PCDHA10: variants seen among roughly 807,000 people sequenced by gnomAD.
PCDHA10 encodes protocadherin alpha-10.
Under a neutral mutation model 61.2 loss-of-function variants are expected in PCDHA10, and 45 were observed. That is an observed-to-expected ratio of 0.74 (90% CI 0.58 to 0.94). PCDHA10 has a LOEUF of 0.94. Among genes scored for constraint, PCDHA10 ranks in the 40% least tolerant of loss-of-function variants. The probability of loss-of-function intolerance (pLI) is 0.00; values close to 1 mark genes in which losing one functional copy is unlikely to be tolerated. For missense variants in PCDHA10, 1,278 were observed against 1,236.2 expected, an observed-to-expected ratio of 1.03 and a Z score of -0.51; for synonymous variants, 602 against 548.8, an observed-to-expected ratio of 1.10 and a Z score of -1.35.
chr5:140,994,263 C>G (rs1329526022), intron 3 of PCDHA10, among the ~76,000 whole-genome samples: 1 of 152,160 alleles, frequency 6.6e-6, no homozygotes, highest in African/African-American at 2.4e-5. Flanking sequence ...ATAAGGTAAG[C>G]TAGGCTGCCT....
rs782748390 is a variant in PCDHA10 at position 140,858,337 on chromosome 5, C to G, written c.2289C>G (p.Pro763=). Residue 763 remains proline (P), a synonymous_variant, in exon 1 of 4, where the codon CCC becomes CCG. Coordinates refer to ENST00000307360, the MANE Select transcript of PCDHA10 (RefSeq NM_018901.4). ...GGGTGTGTTCTGGGGAGGGCCTGCC[C>G]AAGGCGGACCTCATGGCCTTCAGCC... The part of the protein sequence containing the change: ...RQRVCSGEGL[P]KADLMAFSPS... 6.3e-7 allele frequency: 1 copy of G among 1,595,568 alleles called. No homozygotes were observed. The highest frequency in any genetic ancestry group is 1.7e-5 in the Admixed American group (1 of 58,816).
chr5:140,917,130 C>T (rs1449410463), intron 1 of PCDHA10, among the ~76,000 whole-genome samples: 1 of 152,060 alleles, frequency 6.6e-6, no homozygotes, highest in Non-Finnish European at 1.5e-5. Flanking sequence ...AGACTCCCCA[C>T]GTTGCTCAGC....
intron 1 of PCDHA10, chr5:140,930,576 T>C (rs1554207933): frequency 1.3e-5 from 2 of 152,582 alleles, no homozygotes; most frequent in Non-Finnish European, 2.9e-5. Flanking sequence ...TCTACGGTAT[T>C]ACTTTTTGAC....
At chr5:140,999,551 G>C (rs1189671768) in intron 3 of PCDHA10, among the ~76,000 whole-genome samples, 3 of 152,088 alleles carry the variant, frequency 2.0e-5, no homozygotes, top group East Asian at 1.9e-4. Context: ...CAATGAAGAG[G>C]GGGTATTTTG....
chr5:140,997,357 A>G (rs1309712075), intron 3 of PCDHA10, among the ~76,000 whole-genome samples: 1 of 152,218 alleles, frequency 6.6e-6, no homozygotes, highest in Non-Finnish European at 1.5e-5. Flanking sequence ...ATGTACTTAC[A>G]TAAACCTAGA....
At chr5:140,923,221 TTTGAGCCCAGAA>T (rs1584298069) in intron 1 of PCDHA10, among the ~76,000 whole-genome samples, 1 of 71,862 alleles carries the variant, frequency 1.4e-5, no homozygotes, top group Non-Finnish European at 3.3e-5. Flanking sequence ...GAAAGGATCG[TTTGAGCCCAGAA>T]GTTTGAGACC....
chr5:140,879,596 A>G (rs1324407694), intron 1 of PCDHA10, among the ~76,000 whole-genome samples: 1 of 152,240 alleles, frequency 6.6e-6, no homozygotes, highest in East Asian at 1.9e-4. Flanking sequence ...TGAAAAGTGA[A>G]AAACAATGTG....
At chr5:140,956,924 G>A (rs2095321295) in intron 1 of PCDHA10, among the ~76,000 whole-genome samples, 2 of 151,898 alleles carry the variant, frequency 1.3e-5, no homozygotes, top group Non-Finnish European at 2.9e-5. Flanking sequence ...TAATCTTGCT[G>A]GATATAGGAT....
chr5:140,869,043 A>G, intron 1 of PCDHA10: 2 of 1,530,132 alleles, frequency 1.3e-6, no homozygotes, highest in Non-Finnish European at 1.8e-6. Flanking sequence ...TTAACCTGAA[A>G]CTGAAGAATC....
At chr5:140,974,291 A>G (rs1417274006) in intron 1 of PCDHA10, among the ~76,000 whole-genome samples, 1 of 152,196 alleles carries the variant, frequency 6.6e-6, no homozygotes, top group Admixed American at 6.5e-5. Context: ...CTGGGCTCCA[A>G]GGAGGTACAA....
At chr5:140,879,173 G>T (rs1010561937) in intron 1 of PCDHA10, among the ~76,000 whole-genome samples, 2 of 152,160 alleles carry the variant, frequency 1.3e-5, no homozygotes, top group South Asian at 2.1e-4. Context: ...AATAAATTAG[G>T]TATCAAGTAA....
intron 1 of PCDHA10, among the ~76,000 whole-genome samples, chr5:140,964,550 C>T (rs13359943): frequency 0.012 from 1,826 of 152,168 alleles, 28 homozygotes; most frequent in African/African-American, 0.042. Flanking sequence ...ATGGCAGCGA[C>T]TTGGAGGGCT....
At chr5:140,876,916 G>A (rs2056692894) in intron 1 of PCDHA10, 3 of 1,613,960 alleles carry the variant, frequency 1.9e-6, no homozygotes, top group Non-Finnish European at 2.5e-6. Flanking sequence ...GGCATGGGAC[G>A]CGGACGCGCA....
intron 1 of PCDHA10, among the ~76,000 whole-genome samples, chr5:140,896,022 G>A (rs940712653): frequency 6.6e-6 from 1 of 152,136 alleles, no homozygotes; most frequent in East Asian, 1.9e-4. Context: ...TGTTGGCCAG[G>A]CTGGTCTCGA....
intron 1 of PCDHA10, among the ~76,000 whole-genome samples, chr5:140,880,921 T>C (rs187033233): frequency 6.6e-6 from 1 of 152,272 alleles, no homozygotes; most frequent in East Asian, 1.9e-4. Context: ...AGAAATACTA[T>C]GTTAGTAAAA....
At chr5:140,892,439 T>G (rs2063514217) in intron 1 of PCDHA10, among the ~76,000 whole-genome samples, 1 of 152,206 alleles carries the variant, frequency 6.6e-6, no homozygotes, top group Non-Finnish European at 1.5e-5. Context: ...TTATCTAAAA[T>G]TTACATGTAT....
intron 1 of PCDHA10, chr5:140,863,957 G>A (rs2048253350): frequency 6.4e-6 from 1 of 157,074 alleles, no homozygotes; most frequent in Non-Finnish European, 1.4e-5. Flanking sequence ...GCCTAGATTA[G>A]GCCACTGCAC....
At chr5:140,882,414 C>T in intron 1 of PCDHA10, 2 of 1,614,148 alleles carry the variant, frequency 1.2e-6, no homozygotes, top group Non-Finnish European at 8.5e-7. Flanking sequence ...GGCCGCATCG[C>T]TCAGGACCTG....
chr5:140,974,613 G>A (rs1416866366), intron 1 of PCDHA10, among the ~76,000 whole-genome samples: 2 of 152,164 alleles, frequency 1.3e-5, no homozygotes, highest in African/African-American at 4.8e-5. Flanking sequence ...CAGGGTTCAA[G>A]CGATTCTCCT....
Sources: allele counts gnomAD v4.1 joint callset (sites outside exome capture counted in the v4.1 genomes callset), GRCh38; gene constraint gnomAD v4.1.1; transcripts MANE v1.5; gene names NCBI Gene and HGNC (gene_info 2026-07-23, HGNC 2026-07-21).